BDKRB2: variants seen among roughly 807,000 people sequenced by gnomAD.
BDKRB2 encodes the protein B2 bradykinin receptor.
In BDKRB2, 6 loss-of-function variants were observed where a neutral mutation model predicts 4.0. The observed-to-expected ratio is 1.49, with a 90% confidence interval of 0.81 to 2.93. BDKRB2 has a LOEUF of 2.93. Ranked by LOEUF, BDKRB2 falls within the 30% of genes most tolerant of loss-of-function variation. The pLI is 0.00. For missense variants in BDKRB2, 478 were observed against 520.1 expected, an observed-to-expected ratio of 0.92 and a Z score of 0.79; for synonymous variants, 225 against 215.3, an observed-to-expected ratio of 1.05 and a Z score of -0.40.
At chr14:96,216,707 G>GA (rs1890427130) in intron 1 of BDKRB2, among the ~76,000 whole-genome samples, 1 of 82,626 alleles carries the variant, frequency 1.2e-5, no homozygotes, top group African/African-American at 4.0e-5. Context: ...GAGGAGGAAG[G>GA]AGGAGGAAGA....
At chr14:96,210,468 C>A (rs1890279543) in intron 1 of BDKRB2, among the ~76,000 whole-genome samples, 1 of 152,220 alleles carries the variant, frequency 6.6e-6, no homozygotes, top group African/African-American at 2.4e-5. Context: ...CTGGGGAGAT[C>A]AGCACCATCA....
chr14:96,240,051 G>A, intron 2 of BDKRB2: 1 of 1,029,014 alleles, frequency 9.7e-7, no homozygotes, highest in Non-Finnish European at 1.2e-6. Context: ...GAGGGCCCCG[G>A]TTGATAAGGA....
chr14:96,221,329 C>G (rs1358769905), intron 1 of BDKRB2, among the ~76,000 whole-genome samples: 1 of 152,270 alleles, frequency 6.6e-6, no homozygotes, highest in Non-Finnish European at 1.5e-5. Flanking sequence ...CAGGGAAATG[C>G]TCTGTAAATG....
Position 96,240,580 on chromosome 14 carries a change from G to A in BDKRB2, c.252G>A (p.Leu84=). 1 of 1,560,966 alleles carries A rather than the reference G, an allele frequency of 6.4e-7. No homozygotes were observed. The highest frequency in any genetic ancestry group is 8.7e-7 in the Non-Finnish European group (1 of 1,155,836). Residue 84 remains leucine, a synonymous_variant, in exon 3 of 3, where the codon CTG becomes CTA. Coordinates refer to ENST00000554311, the MANE Select transcript of BDKRB2 (RefSeq NM_001379692.1). ...TCTTTGTCCTCAGCGTCTTCTGCCT[G>A]CACAAGAGCAGCTGCACGGTGGCAG... is the stretch of plus-strand genomic sequence containing the variant. ...ENIFVLSVFC[L]HKSSCTVAEI...
intron 2 of BDKRB2, chr14:96,237,783 T>C: frequency 7.8e-7 from 1 of 1,289,754 alleles, no homozygotes; most frequent in Non-Finnish European, 1.0e-6. Flanking sequence ...GGACCTATAG[T>C]TTCCAATTCC....
At chr14:96,238,046 C>T in intron 2 of BDKRB2, 1 of 1,114,966 alleles carries the variant, frequency 9.0e-7, no homozygotes, top group African/African-American at 1.6e-5. Context: ...GGAAGTCTTA[C>T]CTTCAGAGGA....
intron 2 of BDKRB2, chr14:96,238,802 C>T: frequency 1.0e-6 from 1 of 985,954 alleles, no homozygotes; most frequent in Non-Finnish European, 1.2e-6. Context: ...CTCTCCAAGT[C>T]TGTGTCCCAC....
chr14:96,243,756 T>C lies in BDKRB2; in HGVS notation c.*2252T>C, dbSNP rs1179207786. The C allele has an allele frequency of 6.4e-6, 1 of 156,782 alleles. No homozygotes were observed. The highest frequency in any genetic ancestry group is 2.1e-4 in the South Asian group (1 of 4,878). The allele number at this position is 156,782 out of a possible 1,614,324, so 9.7% of individuals were successfully genotyped here. On this transcript the variant is annotated 3_prime_UTR_variant, in exon 3 of 3. Transcript: ENST00000554311. ...ACTCTCCTCTGCCTCAGTAAGTATC[T>C]GGAGGAAGAAAACAGGTGAAAGAAG...
chr14:96,213,625 G>A (rs1381407569), intron 1 of BDKRB2, among the ~76,000 whole-genome samples: 1 of 152,146 alleles, frequency 6.6e-6, no homozygotes, highest in Non-Finnish European at 1.5e-5. Context: ...TTGTGGGCAG[G>A]TTTCAAGTTG....
At chr14:96,239,503 G>T in intron 2 of BDKRB2, 1 of 985,370 alleles carries the variant, frequency 1.0e-6, no homozygotes, top group Non-Finnish European at 1.2e-6. Context: ...TGAAAGAGGA[G>T]CCAGTGGGTT....
At position 96,238,790 on chromosome 14, in the gene BDKRB2, C is replaced by T. The variant is rs2069581; in HGVS notation, c.74+1609C>T. Reference sequence around the variant, plus strand: ...ACCTCCAACCCCTTACCCACCAGCCCCCTCTCCAAGTCTGTGTCCCACAAC... The same window carrying T: ...ACCTCCAACCCCTTACCCACCAGCCTCCTCTCCAAGTCTGTGTCCCACAAC... On this transcript the variant is annotated intron_variant, in intron 2 of 2. Transcript: ENST00000554311. 4,271 of 985,918 alleles carry T rather than the reference C, an allele frequency of 4.3e-3. 10 individuals are homozygous for T. The highest frequency in any genetic ancestry group is 5.0e-3 in the Non-Finnish European group (4,139 of 830,296). 61.1% of individuals were successfully genotyped at this position (985,918 alleles called of 1,614,324 possible).
At chr14:96,207,257 G>C (rs1246112009) in intron 1 of BDKRB2, among the ~76,000 whole-genome samples, 1 of 152,180 alleles carries the variant, frequency 6.6e-6, no homozygotes, top group Non-Finnish European at 1.5e-5. Flanking sequence ...TTGCTGAAAT[G>C]CTGAATGGTT....
At chr14:96,239,122 T>C in intron 2 of BDKRB2, 2 of 985,532 alleles carry the variant, frequency 2.0e-6, no homozygotes, top group Non-Finnish European at 2.4e-6. Context: ...TGACTATCAG[T>C]GGACCTTCCA....
chr14:96,206,625 A>G (rs1412754249), intron 1 of BDKRB2, among the ~76,000 whole-genome samples: 1 of 152,086 alleles, frequency 6.6e-6, no homozygotes, highest in African/African-American at 2.4e-5. Flanking sequence ...CACCAACCGA[A>G]TAGCTGTGCC....
At chr14:96,205,068 G>C (rs567511583) in intron 1 of BDKRB2, 109 bp downstream of exon 1, 1 of 165,644 alleles carries the variant, frequency 6.0e-6, no homozygotes, top group Non-Finnish European at 1.3e-5. Context: ...AAGTTTCCCT[G>C]TGGTCGTGGG....
chr14:96,214,854 G>C (rs1325183711), intron 1 of BDKRB2: 1 of 152,250 alleles, frequency 6.6e-6, no homozygotes, highest in Non-Finnish European at 1.5e-5. Context: ...AGGTTGGGGA[G>C]TTGGTGGGGG....
intron 1 of BDKRB2, among the ~76,000 whole-genome samples, chr14:96,224,834 C>A (rs1595255530): frequency 6.6e-6 from 1 of 152,174 alleles, no homozygotes; most frequent in African/African-American, 2.4e-5. Context: ...AAGGTTGACT[C>A]CCTCAATTCC....
Position 96,241,709 on chromosome 14 carries a change from G to A in BDKRB2, c.*205G>A, listed in dbSNP as rs1438993952. ...TGAGGATGGGGTGAACTCACGCACA[G>A]CCAAGGACTCCAAAATCACAACAGC... is the stretch of plus-strand genomic sequence containing the variant. On this transcript the variant is annotated 3_prime_UTR_variant, in exon 3 of 3. Coordinates refer to ENST00000554311, the MANE Select transcript of BDKRB2 (RefSeq NM_001379692.1). 15 of 752,564 alleles carry A rather than the reference G, an allele frequency of 2.0e-5. No individual in the cohort carries two copies. Among genetic ancestry groups the A allele is most frequent in the Non-Finnish European group, 2.9e-5 (15 of 521,090 alleles). 46.6% of individuals were successfully genotyped at this position (752,564 alleles called of 1,614,324 possible).
chr14:96,227,262 G>A (rs1890717397), intron 1 of BDKRB2, among the ~76,000 whole-genome samples: 1 of 152,224 alleles, frequency 6.6e-6, no homozygotes, highest in Non-Finnish European at 1.5e-5. Context: ...TGAAGCATGT[G>A]AAGTATTGTT....
Sources: gnomAD v4.1 joint callset for allele counts (sites outside exome capture counted in the v4.1 genomes callset) on GRCh38, gnomAD v4.1.1 for gene constraint, MANE v1.5 for transcripts, NCBI Gene and HGNC (gene_info 2026-07-23, HGNC 2026-07-21) for gene names.